The following DCUN1D2 variants were observed in gnomAD, a reference collection of about 807,000 sequenced individuals.
DCUN1D2 encodes DCN1-like protein 2.
In DCUN1D2, 29 loss-of-function variants were observed where a neutral mutation model predicts 30.9. The ratio of observed to expected loss-of-function variants is 0.94; its 90% CI spans 0.70 to 1.28. The LOEUF (loss-of-function observed/expected upper bound fraction) is 1.28. Among genes scored for constraint, DCUN1D2 ranks in the 50% most tolerant of loss-of-function variants. The pLI, the probability that DCUN1D2 is intolerant of heterozygous loss-of-function variation, is 0.00. For synonymous variants in DCUN1D2, 121 were observed against 115.3 expected (o/e 1.05, Z -0.32); for missense variants, 325 against 316.9 (o/e 1.03, Z -0.19).
chr13:113,476,258 G>T (rs2044616285), intron 3 of DCUN1D2: 1 of 152,202 alleles, frequency 6.6e-6, no homozygotes, highest in African/African-American at 2.4e-5. Flanking sequence ...GGGTCATGGC[G>T]TCTGTGCACC....
At chr13:113,483,777 T>G in intron 2 of DCUN1D2, 63 bp downstream of exon 2, 2 of 1,516,102 alleles carry the variant, frequency 1.3e-6, no homozygotes. Context: ...ACCCTGGAAG[T>G]GCAGCGCGCA....
rs900226668 is a variant in DCUN1D2, at chr13:113,488,924, C to A, written c.3+1743G>T. On this transcript the variant is annotated intron_variant, in intron 1 of 6. Coordinates refer to ENST00000478244, the MANE Select transcript of DCUN1D2 (RefSeq NM_001014283.2). This position sits in a 1 kb window ranked among gnomAD's most constrained non-coding sequence, Gnocchi z 4.3. ...TGTACACAATTCTTGAAATAAAAAT[C>A]TGGACAATCCAGTGGAAACAGCAAA... Among the ~76,000 whole-genome samples, 2 of 152,182 alleles carry A rather than the reference C, an allele frequency of 1.3e-5. No homozygotes were observed. The highest frequency in any genetic ancestry group is 2.9e-5 in the Non-Finnish European group (2 of 68,030).
chr13:113,464,176 G>A (rs955267310), intron 4 of DCUN1D2, among the ~76,000 whole-genome samples: 1 of 152,126 alleles, frequency 6.6e-6, no homozygotes, highest in Non-Finnish European at 1.5e-5. Flanking sequence ...CTCAGCTATT[G>A]TCATGAAGCA....
Position 113,478,211 on chromosome 13 carries a change from G to A in DCUN1D2, c.389+2364C>T, listed in dbSNP as rs552473046. On this transcript the variant is annotated intron_variant, in intron 3 of 6. Coordinates refer to ENST00000478244, the MANE Select transcript of DCUN1D2 (RefSeq NM_001014283.2). ...CTCTTTGAGAAGATTTTAAACTACA[G>A]GCTCAAATTCTTAAGAGTTACAGAA... 3.9e-5 allele frequency among the ~76,000 whole-genome samples: 6 copies of A among 152,314 alleles called. No individual in the cohort carries two copies. In the East Asian group the frequency reaches 1.2e-3, roughly 29 times the overall value.
intron 3 of DCUN1D2, among the ~76,000 whole-genome samples, chr13:113,478,173 A>C (rs564986909): frequency 6.6e-6 from 1 of 152,356 alleles, no homozygotes; most frequent in East Asian, 1.9e-4. Flanking sequence ...AAGTCATCCC[A>C]AACAGGAGTT....
At chr13:113,464,199 C>T (rs758658984) in intron 4 of DCUN1D2, among the ~76,000 whole-genome samples, 3 of 152,150 alleles carry the variant, frequency 2.0e-5, no homozygotes, top group Non-Finnish European at 4.4e-5. Flanking sequence ...GAAACAAAAC[C>T]AGTAATGCTT....
At chr13:113,489,696 A>T (rs1370716446) in intron 1 of DCUN1D2, among the ~76,000 whole-genome samples, 2 of 151,550 alleles carry the variant, frequency 1.3e-5, no homozygotes, top group African/African-American at 2.4e-5. Flanking sequence ...ATCGCCTACC[A>T]CTAAGGGTCT....
rs1217187309 is a variant in DCUN1D2, at chr13:113,489,134, G to A, written c.3+1533C>T. ...CATGTTGATCGAATAAACTACGTAA[G>A]TTTATGGATCACTTTCACTCTGTTT... On this transcript the variant is annotated intron_variant, in intron 1 of 6. Coordinates refer to ENST00000478244, the MANE Select transcript of DCUN1D2 (RefSeq NM_001014283.2). The A allele has an allele frequency of 1.5e-5, 15 of 985,302 alleles. No individual in the cohort carries two copies. In the South Asian group the frequency reaches 2.3e-4, roughly 15 times the overall value. The allele number at this position is 985,302 out of a possible 1,614,324, so 61.0% of individuals were successfully genotyped here.
At position 113,490,006 on chromosome 13, in the gene DCUN1D2, T is replaced by G. The variant is rs1238644620; in HGVS notation, c.3+661A>C. Among the ~76,000 whole-genome samples, 1 of 152,192 alleles carries G rather than the reference T, an allele frequency of 6.6e-6. No homozygotes were observed. Among genetic ancestry groups the G allele is most frequent in the Non-Finnish European group, 1.5e-5 (1 of 68,030 alleles). Reference sequence around the variant, plus strand: ...CACCCAGCAGCACCTTGCTGGCCTCTGAACCGATGTGGACTGAATAAATCC... The same window carrying G: ...CACCCAGCAGCACCTTGCTGGCCTCGGAACCGATGTGGACTGAATAAATCC... On this transcript the variant is annotated intron_variant, in intron 1 of 6. Coordinates refer to ENST00000478244, the MANE Select transcript of DCUN1D2 (RefSeq NM_001014283.2). The surrounding 1 kb of genome is among the most constrained non-coding windows in gnomAD (Gnocchi z 5.2).
At chr13:113,489,036 C>A in intron 1 of DCUN1D2, 1 of 773,756 alleles carries the variant, frequency 1.3e-6, no homozygotes, top group Non-Finnish European at 1.6e-6. Context: ...CCAAGGATAC[C>A]CATATGTAAA....
intron 1 of DCUN1D2, among the ~76,000 whole-genome samples, chr13:113,487,132 C>A (rs2260897): frequency 0.4 from 60,607 of 152,024 alleles, 13,430 homozygotes; most frequent in African/African-American, 0.6. Context: ...AGTCTCTGAC[C>A]GTAAGCTGAC....
rs1393900641 is a variant in DCUN1D2 at position 113,471,980 on chromosome 13, A to G, written c.520+2144T>C. Reference sequence around the variant, plus strand: ...AGGCCTGGCTGTGTGCCTGGAAAACAAAGGTAAGGCCCAACTATTGTTTTA... The same window carrying G: ...AGGCCTGGCTGTGTGCCTGGAAAACGAAGGTAAGGCCCAACTATTGTTTTA... On this transcript the variant is annotated intron_variant, in intron 4 of 6. Transcript: ENST00000478244. Among the ~76,000 whole-genome samples, 3 of 152,306 alleles carry G rather than the reference A, an allele frequency of 2.0e-5. No homozygotes were observed. The East Asian group carries it at 5.8e-4, about 29-fold the overall frequency.
At position 113,480,574 on chromosome 13, in the gene DCUN1D2, C is replaced by T; in HGVS notation, c.389+1G>A. The T allele has an allele frequency of 6.2e-7, 1 of 1,613,972 alleles. No homozygotes were observed. The highest frequency in any genetic ancestry group is 8.5e-7 in the Non-Finnish European group (1 of 1,179,958). On this transcript the variant is annotated splice_donor_variant, in intron 3 of 6. Coordinates refer to ENST00000478244, the MANE Select transcript of DCUN1D2 (RefSeq NM_001014283.2). LOFTEE classifies it high-confidence loss of function. The stretch of plus-strand genomic sequence containing the variant: ...ATTTAAGCTAAGAATAGTTGACTTA[C>T]CCAAGTTCTGTCATGCCATCTAGAA...
chr13:113,465,181 C>G (rs1386134012), intron 4 of DCUN1D2, among the ~76,000 whole-genome samples: 2 of 152,116 alleles, frequency 1.3e-5, no homozygotes, highest in Non-Finnish European at 2.9e-5. Context: ...ATTAAAGTAA[C>G]AGTTCAAAAT....
chr13:113,489,160 C>T (rs2044864919), intron 1 of DCUN1D2: 2 of 985,332 alleles, frequency 2.0e-6, no homozygotes, highest in Non-Finnish European at 2.4e-6. Flanking sequence ...CACTCTGTTT[C>T]GGTATACAGC....
intron 3 of DCUN1D2, chr13:113,480,358 T>C: frequency 2.3e-6 from 1 of 429,990 alleles, no homozygotes. Context: ...GGGATTAATA[T>C]GAAAAAAATA....
intron 3 of DCUN1D2, among the ~76,000 whole-genome samples, chr13:113,474,807 C>T (rs2044585870): frequency 6.6e-6 from 1 of 152,190 alleles, no homozygotes. Flanking sequence ...CCACTGTTAC[C>T]TCTGTCCCAT....
chr13:113,485,015 T>C (rs1009850565), intron 1 of DCUN1D2, among the ~76,000 whole-genome samples: 4 of 151,952 alleles, frequency 2.6e-5, no homozygotes, highest in African/African-American at 9.7e-5. Context: ...GAGGTGGAGA[T>C]TGCAGCGAGC....
At chr13:113,466,106 C>T (rs1263464504) in intron 4 of DCUN1D2, among the ~76,000 whole-genome samples, 2 of 152,064 alleles carry the variant, frequency 1.3e-5, no homozygotes, top group African/African-American at 2.4e-5. Flanking sequence ...AAGCTGTTTT[C>T]GAACTCCTGA....
Sources: gnomAD v4.1 joint callset for allele counts (sites outside exome capture counted in the v4.1 genomes callset) on GRCh38, gnomAD v4.1.1 for gene constraint, Gnocchi (gnomAD v3.1) non-coding constraint, MANE v1.5 for transcripts, NCBI Gene and HGNC (gene_info 2026-07-23, HGNC 2026-07-21) for gene names.